The following TRAPPC9 variants were observed in gnomAD, a reference collection of about 807,000 sequenced individuals.
The protein encoded by TRAPPC9 is trafficking protein particle complex subunit 9, also known as IKK2 binding protein.
Under a neutral mutation model 124.0 loss-of-function variants are expected in TRAPPC9, and 83 were observed. The ratio of observed to expected loss-of-function variants is 0.67; its 90% CI spans 0.56 to 0.80. TRAPPC9 has a LOEUF of 0.80. TRAPPC9 is among the 30% of genes least tolerant of loss of function. The pLI is 0.00. For synonymous variants in TRAPPC9, 638 were observed against 617.5 expected, an observed-to-expected ratio of 1.03 and a Z score of -0.49; for missense variants, 1,302 against 1,508.3, an observed-to-expected ratio of 0.86 and a Z score of 2.27.
intron 19 of TRAPPC9, among the ~76,000 whole-genome samples, chr8:139,940,387 T>C (rs1223918830): frequency 6.6e-6 from 1 of 152,240 alleles, no homozygotes; most frequent in Non-Finnish European, 1.5e-5. Flanking sequence ...ATTATCATCG[T>C]CATCATCTTC....
rs111206294 is a variant in TRAPPC9 at position 140,272,125 on chromosome 8, G to A, written c.2278+3533C>T. On this transcript the variant is annotated intron_variant, in intron 15 of 22. Transcript: ENST00000438773. The stretch of plus-strand genomic sequence containing the variant: ...TGATTGTGGTGGTGGCAATGGTGAT[G>A]GTGGCGATGGTGATGGTGATGGTGG... 7.6e-3 allele frequency among the ~76,000 whole-genome samples: 430 copies of A among 56,310 alleles called. 3 individuals are homozygous for A. The highest frequency in any genetic ancestry group is 0.053 in the African/African-American group (403 of 7,656). The allele number at this position is 56,310 out of a possible 152,430, so 36.9% of individuals were successfully genotyped here. A position where few individuals can be genotyped will look rare whatever the true frequency, so the allele number is the denominator to read the frequency against.
At chr8:140,395,845 TCCA>T (rs1470764338) in intron 7 of TRAPPC9, among the ~76,000 whole-genome samples, 1 of 151,884 alleles carries the variant, frequency 6.6e-6, no homozygotes, top group South Asian at 2.1e-4. Flanking sequence ...CCTCTTTCCC[TCCA>T]CCACTGCCTT....
At chr8:139,842,441 C>G (rs1196753615) in intron 21 of TRAPPC9, among the ~76,000 whole-genome samples, 1 of 152,234 alleles carries the variant, frequency 6.6e-6, no homozygotes, top group African/African-American at 2.4e-5. Context: ...AAAAACAAAC[C>G]CTACTTCTAA....
chr8:140,308,881 A>G (rs76677309), intron 10 of TRAPPC9, among the ~76,000 whole-genome samples: 1 of 141,344 alleles, frequency 7.1e-6, no homozygotes, highest in South Asian at 2.2e-4. Context: ...ATTACAACTC[A>G]AAAAAAAAAA....
rs552382166 is a variant in TRAPPC9 at position 140,130,376 on chromosome 8, G to A, written c.2556+91083C>T. On this transcript the variant is annotated intron_variant, in intron 17 of 22. Transcript: ENST00000438773. ...ATCATTGTGACACTGTCAGAACTGG[G>A]ATGAACCACCTGATAGGTACGATGG... is the stretch of plus-strand genomic sequence containing the variant. 3.3e-5 allele frequency among the ~76,000 whole-genome samples: 5 copies of A among 152,308 alleles called. No individual in the cohort carries two copies. The South Asian group carries it at 1.0e-3, about 32-fold the overall frequency.
rs561717274 is a variant in TRAPPC9 at position 140,303,927 on chromosome 8, C to T, written c.1623-3313G>A. 5.1e-4 allele frequency among the ~76,000 whole-genome samples: 78 copies of T among 152,240 alleles called. No homozygotes were observed. In the South Asian group the frequency reaches 7.5e-3, roughly 15 times the overall value. On this transcript the variant is annotated intron_variant, in intron 10 of 22. Coordinates refer to ENST00000438773, the MANE Select transcript of TRAPPC9 (RefSeq NM_001160372.4). The stretch of plus-strand genomic sequence containing the variant: ...TATGAGCCAAACCCAGCAGTAAATT[C>T]GTTTATGTTTAACGATTCTATATAG...
At chr8:139,947,918 A>AGAGAGAGAGAGAGAGAGAGAGT (rs1195312504) in intron 19 of TRAPPC9, among the ~76,000 whole-genome samples, 1 of 61,582 alleles carries the variant, frequency 1.6e-5, no homozygotes, top group Non-Finnish European at 3.6e-5. Context: ...AGAGAGAGAG[A>AGAGAGAGAGAGAGAGAGAGAGT]GAGAGCGAGA....
intron 21 of TRAPPC9, among the ~76,000 whole-genome samples, chr8:139,843,680 C>G (rs930564436): frequency 6.6e-6 from 1 of 152,116 alleles, no homozygotes; most frequent in Non-Finnish European, 1.5e-5. Context: ...CCACTGCTGG[C>G]TTTGGTGGAA....
At position 139,732,138 on chromosome 8, in the gene TRAPPC9, G is replaced by T; in HGVS notation, c.3120C>A (p.Pro1040=). ...TGGTCAGCCGCACCTCCAGGCGCAC[G>T]GGGTCGCCCACCTGGCAGGCCGCCA... ...EAVAACQVGD[P]VRLEVRLTNR... is the part of the protein sequence containing the mutation. Residue 1040 remains proline (P), a synonymous_variant, in exon 22 of 23, where the codon CCC becomes CCA. Transcript: ENST00000438773. 1 of 1,605,308 alleles carries T rather than the reference G, an allele frequency of 6.2e-7. No homozygotes were observed.
chr8:140,178,254 G>T (rs971049798), intron 17 of TRAPPC9, among the ~76,000 whole-genome samples: 1 of 152,114 alleles, frequency 6.6e-6, no homozygotes, highest in African/African-American at 2.4e-5. Context: ...GAGCACAGAG[G>T]CCTGTTAGCA....
intron 21 of TRAPPC9, among the ~76,000 whole-genome samples, chr8:139,755,575 G>T (rs13281380): frequency 6.3e-4 from 65 of 102,962 alleles, no homozygotes; most frequent in African/African-American, 1.7e-3. Flanking sequence ...AGCCAGGGAT[G>T]GGGTATAAGG....
intron 21 of TRAPPC9, among the ~76,000 whole-genome samples, chr8:139,748,624 T>C: frequency 6.6e-6 from 1 of 150,978 alleles, no homozygotes. Context: ...GCTGGTTTTC[T>C]GTGCCGGGCC....
intron 19 of TRAPPC9, among the ~76,000 whole-genome samples, chr8:139,937,315 G>C (rs1194117457): frequency 6.6e-6 from 1 of 152,152 alleles, no homozygotes; most frequent in Non-Finnish European, 1.5e-5. Flanking sequence ...TATGGGTGCG[G>C]GCCCAGAGAG....
intron 19 of TRAPPC9, chr8:139,932,420 C>CA (rs1423631637): frequency 2.2e-6 from 1 of 457,864 alleles, no homozygotes; most frequent in Admixed American, 2.3e-5. Flanking sequence ...CCCTTTCTTT[C>CA]TCCCGTCATA....
chr8:140,276,026 G>A (rs2065106530), intron 14 of TRAPPC9, among the ~76,000 whole-genome samples: 1 of 152,180 alleles, frequency 6.6e-6, no homozygotes, highest in Non-Finnish European at 1.5e-5. Flanking sequence ...TCCTCATGCA[G>A]ACACGTCCAG....
intron 5 of TRAPPC9, among the ~76,000 whole-genome samples, chr8:140,407,960 T>G (rs571671361): frequency 1.3e-5 from 2 of 152,272 alleles, no homozygotes; most frequent in Admixed American, 1.3e-4. Flanking sequence ...GAGGAAAAAT[T>G]TCTATGTGGA....
At chr8:139,800,072 C>T (rs73725014) in intron 21 of TRAPPC9, among the ~76,000 whole-genome samples, 2,078 of 152,342 alleles carry the variant, frequency 0.014, 50 homozygotes, top group African/African-American at 0.046. Context: ...AAAACACCTA[C>T]GCTTGCTAGC....
chr8:139,860,671 G>A (rs1828073677), intron 21 of TRAPPC9, among the ~76,000 whole-genome samples: 1 of 152,196 alleles, frequency 6.6e-6, no homozygotes, highest in Admixed American at 6.5e-5. Context: ...CCCAGTTCCT[G>A]GCCCAGAGCT....
chr8:140,196,889 A>C (rs542759000), intron 17 of TRAPPC9, among the ~76,000 whole-genome samples: 83 of 152,356 alleles, frequency 5.4e-4, no homozygotes, highest in African/African-American at 1.9e-3. Context: ...ATACTAAAAC[A>C]CTCAACGATC....
Sources: allele counts gnomAD v4.1 joint callset (sites outside exome capture counted in the v4.1 genomes callset), GRCh38; gene constraint gnomAD v4.1.1; transcripts MANE v1.5; gene names NCBI Gene and HGNC (gene_info 2026-07-23, HGNC 2026-07-21).